The following SEMA4G variants were observed in gnomAD, a reference collection of about 807,000 sequenced individuals.
SEMA4G encodes semaphorin-4G.
A neutral mutation model predicts 81.2 loss-of-function variants in SEMA4G; 59 were observed. That is an observed-to-expected ratio of 0.73 (90% CI 0.59 to 0.90). The LOEUF is 0.90. SEMA4G is among the 40% of genes least tolerant of loss of function. The pLI is 0.00. For missense variants in SEMA4G, 952 were observed against 1,102.3 expected, an observed-to-expected ratio of 0.86 and a Z score of 1.93; for synonymous variants, 404 against 433.9, an observed-to-expected ratio of 0.93 and a Z score of 0.86.
upstream of SEMA4G, chr10:100,969,970 G>C (rs1330931207): frequency 2.3e-6 from 1 of 432,818 alleles, no homozygotes; most frequent in Non-Finnish European, 4.8e-6. Flanking sequence ...CCAGGATGTT[G>C]GAGGGAGGGG....
intron 6 of SEMA4G, 41 bp from the exon 8 acceptor site, chr10:100,978,808 C>T (rs1850917617): frequency 1.2e-6 from 2 of 1,603,380 alleles, no homozygotes; most frequent in African/African-American, 2.7e-5. Flanking sequence ...AAAGGAATCC[C>T]CAGCCTGTCT....
chr10:100,970,174 G>C (rs1258669275), upstream of SEMA4G, among the ~76,000 whole-genome samples: 2 of 152,140 alleles, frequency 1.3e-5, no homozygotes, highest in Non-Finnish European at 2.9e-5. Flanking sequence ...AAGGTGATCA[G>C]AGTTCAGGGG....
chr10:100,972,904 C>T (rs1850672377), exon 1 of SEMA4G: 3 of 1,601,726 alleles, frequency 1.9e-6, no homozygotes, highest in Non-Finnish European at 2.5e-6. Context: ...TCTGGGCCTC[C>T]CCAGGAAGAT....
At position 100,978,908 on chromosome 10, in the gene SEMA4G, G is replaced by C. The variant is rs758650850; in HGVS notation, c.703G>C (p.Asp235His). 8 of 1,614,232 alleles carry C rather than the reference G, an allele frequency of 5.0e-6. No homozygotes were observed. The East Asian group carries it at 8.9e-5, about 18-fold the overall frequency. ...GAGCAAGGCCAGTGCAGTGGGTGAT[G>C]ATGACAAGGTGTACTACTTCTTCAC... The change falls in exon 7 of 14, where the codon GAT becomes CAT. Residue 235 changes from aspartate (D) to histidine (H), a missense_variant. Around this residue, in one of 3 missense-constraint regions of SEMA4G, gnomAD observed 436 missense variants for 488.2 expected, o/e 0.89. Transcript: ENST00000370250.
chr10:100,976,775 C>A (rs1471258216), intron 3 of SEMA4G, among the ~76,000 whole-genome samples: 1 of 152,208 alleles, frequency 6.6e-6, no homozygotes, highest in East Asian at 1.9e-4. Flanking sequence ...ATGGGAGACT[C>A]CCTGTTTATA....
upstream of SEMA4G, among the ~76,000 whole-genome samples, chr10:100,970,294 G>A (rs1035906526): frequency 1.3e-5 from 2 of 151,940 alleles, no homozygotes; most frequent in African/African-American, 2.4e-5. Context: ...GATATGCTCC[G>A]CCCCGCCCAC....
chr10:100,980,879 T>C (rs1450944219), exon 12 of SEMA4G: 1 of 1,610,174 alleles, frequency 6.2e-7, no homozygotes, highest in East Asian at 2.2e-5. Context: ...CTCCAGCTGC[T>C]CCCGCTACCG....
At chr10:100,974,498 T>C (rs1319128570) in intron 3 of SEMA4G, among the ~76,000 whole-genome samples, 2 of 152,108 alleles carry the variant, frequency 1.3e-5, no homozygotes, top group African/African-American at 4.8e-5. Context: ...AAGTAACCTC[T>C]ACAGATGCTT....
At chr10:100,983,769 C>T (rs779055594) in exon 14 of SEMA4G, 26 of 1,609,918 alleles carry the variant, frequency 1.6e-5, no homozygotes, top group South Asian at 1.1e-4. Context: ...TCGGGCCAGC[C>T]GGGCAGGAGG....
At chr10:100,976,543 T>C (rs1850794862) in intron 3 of SEMA4G, among the ~76,000 whole-genome samples, 1 of 152,150 alleles carries the variant, frequency 6.6e-6, no homozygotes, top group South Asian at 2.1e-4. Context: ...AGGCTGGTCT[T>C]GGACTCCTGG....
intron 3 of SEMA4G, among the ~76,000 whole-genome samples, chr10:100,977,106 A>G (rs1399039742): frequency 6.6e-6 from 1 of 152,196 alleles, no homozygotes; most frequent in Non-Finnish European, 1.5e-5. Context: ...GTGAGGTGGG[A>G]AAGACTGGAT....
Position 100,980,705 on chromosome 10 carries a change from CTG to C in SEMA4G, c.1467+15_1467+16del. On this transcript the variant is annotated intron_variant, in intron 11 of 13. Coordinates refer to ENST00000370250, the Ensembl canonical transcript of SEMA4G. ...TCTCTCTATTGCAGGTAGCCCTTCT[CTG>C]TGACCCTTAATATAGCCTTGCTGAA... The C allele has an allele frequency of 6.2e-7, 1 of 1,610,792 alleles. No individual in the cohort carries two copies. The highest frequency in any genetic ancestry group is 8.5e-7 in the Non-Finnish European group (1 of 1,176,988).
At chr10:100,972,913 A>G in exon 1 of SEMA4G, 1 of 1,605,228 alleles carries the variant, frequency 6.2e-7, no homozygotes. Context: ...CCCCAGGAAG[A>G]TGTGGGGGAG....
chr10:100,978,394 C>CGCCT lies in SEMA4G; in HGVS notation c.529+6_529+7insGCCT, dbSNP rs1564794966. 6.2e-7 allele frequency: 1 copy of CGCCT among 1,611,396 alleles called. No homozygotes were observed. Among genetic ancestry groups the CGCCT allele is most frequent in the East Asian group, 2.2e-5 (1 of 44,848 alleles). Reference sequence around the variant, plus strand: ...CTTCACAGGCCTCATCATTGGTGAGCAGGCCTTCTTCCCTATCACAGACAT... The same window carrying CGCCT: ...CTTCACAGGCCTCATCATTGGTGAGCGCCTAGGCCTTCTTCCCTATCACAGACAT... On this transcript the variant is annotated splice_region_variant and intron_variant, in intron 5 of 13. Transcript: ENST00000370250.
At chr10:100,983,586 G>A in exon 14 of SEMA4G, 1 of 1,613,960 alleles carries the variant, frequency 6.2e-7, no homozygotes, top group Non-Finnish European at 8.5e-7. Flanking sequence ...TCCTGCCCCA[G>A]CTCCAAAAGC....
At chr10:100,982,075 A>AG (rs1289175732) in intron 13 of SEMA4G, among the ~76,000 whole-genome samples, 1 of 150,590 alleles carries the variant, frequency 6.6e-6, no homozygotes, top group Non-Finnish European at 1.5e-5. Flanking sequence ...AAAAAAAAAA[A>AG]AAGAAAGAAA....
chr10:100,974,899 C>A, intron 3 of SEMA4G: 1 of 435,952 alleles, frequency 2.3e-6, no homozygotes, highest in Non-Finnish European at 4.5e-6. Flanking sequence ...ATCACTTGAG[C>A]CCAGGAGTTC....
exon 4 of SEMA4G, chr10:100,977,703 C>T (rs760573069): frequency 2.5e-5 from 40 of 1,614,008 alleles, no homozygotes; most frequent in East Asian, 8.9e-5. Flanking sequence ...GTGGGACTCA[C>T]GCCTTCCAGC....
At chr10:100,979,589 C>G (rs546819866) in intron 8 of SEMA4G, among the ~76,000 whole-genome samples, 1 of 152,152 alleles carries the variant, frequency 6.6e-6, no homozygotes, top group South Asian at 2.1e-4. Flanking sequence ...CACTGTGTTG[C>G]CCAGGATGGT....
Sources: allele counts gnomAD v4.1 joint callset (sites outside exome capture counted in the v4.1 genomes callset), GRCh38; gene constraint gnomAD v4.1.1; regional missense constraint gnomAD v4.1.1; transcripts MANE v1.5; gene names NCBI Gene and HGNC (gene_info 2026-07-23, HGNC 2026-07-21).